TAF8: variants seen among roughly 807,000 people sequenced by gnomAD.
TAF8 encodes transcription initiation factor TFIID subunit 8.
In TAF8, 47 loss-of-function variants were observed where a neutral mutation model predicts 36.5. That is an observed-to-expected ratio of 1.29 (90% confidence interval 1.02 to 1.64). The LOEUF is 1.64. Among genes scored for constraint, TAF8 ranks in the 40% most tolerant of loss-of-function variants. The pLI is 0.00. For synonymous variants in TAF8, 175 were observed against 159.5 expected, an observed-to-expected ratio of 1.10 and a Z score of -0.73; for missense variants, 420 against 407.6, an observed-to-expected ratio of 1.03 and a Z score of -0.26.
At chr6:42,059,988 A>G (rs551557780) in intron 5 of TAF8, among the ~76,000 whole-genome samples, 170 of 152,288 alleles carry the variant, frequency 1.1e-3, no homozygotes, top group African/African-American at 4.0e-3. Context: ...GAAGAGTGGA[A>G]CTGGTTTGCA....
At chr6:42,070,383 T>A (rs541595018) in intron 7 of TAF8, among the ~76,000 whole-genome samples, 1 of 152,038 alleles carries the variant, frequency 6.6e-6, no homozygotes, top group Non-Finnish European at 1.5e-5. Flanking sequence ...TCCCAGCTAT[T>A]TGGGAGCCCG....
chr6:42,055,668 G>T, intron 3 of TAF8, 39 bp downstream of exon 3: 1 of 1,466,794 alleles, frequency 6.8e-7, no homozygotes, highest in South Asian at 1.1e-5. Flanking sequence ...CGATGCAACT[G>T]GGAGAGGAGT....
In TAF8 at chr6:42,077,577, G is replaced by T. The variant is rs374082626; in HGVS notation, c.*32G>T. ...AAGGAAACCTGGCTTGTACAGGGGC[G>T]CAGATTCCACCCTCCCGGGGAGTTA... On this transcript the variant is annotated 3_prime_UTR_variant, in exon 9 of 9. Transcript: ENST00000372977. 4.3e-6 allele frequency: 7 copies of T among 1,610,962 alleles called. No individual in the cohort carries two copies. In the South Asian group the frequency reaches 5.5e-5, roughly 13 times the overall value.
At chr6:42,083,458 C>T (rs1268228741), downstream of TAF8, among the ~76,000 whole-genome samples, 1 of 152,208 alleles carries the variant, frequency 6.6e-6, no homozygotes, top group Non-Finnish European at 1.5e-5. Flanking sequence ...AGAATGTGTA[C>T]CAGTTGGCTA....
chr6:42,050,848 T>A, intron 1 of TAF8: 1 of 1,054,686 alleles, frequency 9.5e-7, no homozygotes, highest in Non-Finnish European at 1.2e-6. Context: ...AGATGCCGTT[T>A]TCGCCTTCTT....
intron 7 of TAF8, among the ~76,000 whole-genome samples, chr6:42,075,032 G>A (rs1175951081): frequency 1.3e-5 from 2 of 152,106 alleles, no homozygotes; most frequent in Non-Finnish European, 2.9e-5. Flanking sequence ...GGCGTTTTCA[G>A]CACCTCTAAC....
chr6:42,077,490 C>A (rs749471155), intron 8 of TAF8, 43 bp from the exon 9 acceptor site: 61 of 1,608,960 alleles, frequency 3.8e-5, no homozygotes, highest in Non-Finnish European at 5.0e-5. Context: ...GGAGAGCAGA[C>A]AGGGCCCACA....
chr6:42,075,155 G>A (rs1179625347), intron 7 of TAF8, among the ~76,000 whole-genome samples: 1 of 152,184 alleles, frequency 6.6e-6, no homozygotes, highest in African/African-American at 2.4e-5. Flanking sequence ...TGGACGGAGC[G>A]AGGAGATACT....
At chr6:42,070,220 G>A (rs1765517568) in intron 7 of TAF8, among the ~76,000 whole-genome samples, 1 of 152,114 alleles carries the variant, frequency 6.6e-6, no homozygotes, top group South Asian at 2.1e-4. Context: ...CGGGCGCGGT[G>A]GCTCACGTCT....
chr6:42,074,939 A>G (rs1765693810), intron 7 of TAF8, among the ~76,000 whole-genome samples: 1 of 151,750 alleles, frequency 6.6e-6, no homozygotes, highest in Non-Finnish European at 1.5e-5. Flanking sequence ...GCTTGGGAGA[A>G]GGAAGCCTGC....
At chr6:42,062,003 C>T (rs751516449) in intron 5 of TAF8, among the ~76,000 whole-genome samples, 2 of 152,122 alleles carry the variant, frequency 1.3e-5, no homozygotes, top group Non-Finnish European at 2.9e-5. Flanking sequence ...AAACAAGACT[C>T]GATGAAGATA....
downstream of TAF8, among the ~76,000 whole-genome samples, chr6:42,084,180 CA>C (rs35595303): frequency 0.042 from 2,646 of 63,382 alleles, 50 homozygotes; most frequent in African/African-American, 0.13. Context: ...GACTCTGTCT[CA>C]AAAAAAAAAA....
chr6:42,061,618 A>G (rs368368318), intron 5 of TAF8, among the ~76,000 whole-genome samples: 1 of 152,242 alleles, frequency 6.6e-6, no homozygotes, highest in African/African-American at 2.4e-5. Flanking sequence ...TATTACTGAT[A>G]ACATACACTA....
At chr6:42,057,563 T>C in intron 5 of TAF8, 50 bp downstream of exon 5, 1 of 1,605,068 alleles carries the variant, frequency 6.2e-7, no homozygotes, top group Non-Finnish European at 8.5e-7. Context: ...ACGGAGTCAG[T>C]TCCTACTGAC....
intron 2 of TAF8, 65 bp from the exon 3 acceptor site, chr6:42,055,465 TG>T: frequency 8.8e-7 from 1 of 1,130,508 alleles, no homozygotes; most frequent in Non-Finnish European, 1.3e-6. Flanking sequence ...TTGGCTCATC[TG>T]GTAATTCTAT....
chr6:42,068,091 A>G (rs957276440), intron 6 of TAF8, among the ~76,000 whole-genome samples: 1 of 152,204 alleles, frequency 6.6e-6, no homozygotes, highest in African/African-American at 2.4e-5. Context: ...TGGGTGCAGG[A>G]TCTCAAAACT....
chr6:42,066,142 C>T (rs1765352813), intron 5 of TAF8, among the ~76,000 whole-genome samples, 170 bp from the exon 6 acceptor site: 1 of 152,176 alleles, frequency 6.6e-6, no homozygotes, highest in African/African-American at 2.4e-5. Flanking sequence ...CTCAGGTGAT[C>T]CACCAGCCTT....
chr6:42,073,354 A>G (rs1472711746), intron 7 of TAF8, among the ~76,000 whole-genome samples: 4 of 152,188 alleles, frequency 2.6e-5, no homozygotes, highest in African/African-American at 9.7e-5. Flanking sequence ...TAAAGCAGTG[A>G]GAAAAACAAA....
intron 4 of TAF8, among the ~76,000 whole-genome samples, chr6:42,057,041 G>T (rs1376118080): frequency 6.6e-6 from 1 of 152,148 alleles, no homozygotes; most frequent in African/African-American, 2.4e-5. Context: ...CCAGCTCATT[G>T]TTCCTTTTTG....
Sources: allele counts gnomAD v4.1 joint callset (sites outside exome capture counted in the v4.1 genomes callset), GRCh38; gene constraint gnomAD v4.1.1; transcripts MANE v1.5; gene names NCBI Gene and HGNC (gene_info 2026-07-23, HGNC 2026-07-21).